The following FHIT variants were observed in gnomAD, a reference collection of about 807,000 sequenced individuals.
FHIT encodes bis(5'-adenosyl)-triphosphatase.
Under a neutral mutation model 17.9 loss-of-function variants are expected in FHIT, and 19 were observed. The observed-to-expected ratio is 1.06, with a 90% CI of 0.74 to 1.56. FHIT has a LOEUF of 1.56. FHIT is among the 40% of genes most tolerant of loss of function. The pLI is 0.00. For synonymous variants in FHIT, 81 were observed against 69.7 expected, an observed-to-expected ratio of 1.16 and a Z score of -0.81; for missense variants, 248 against 189.2, an observed-to-expected ratio of 1.31 and a Z score of -1.82.
intron 1 of FHIT, among the ~76,000 whole-genome samples, chr3:61,246,487 G>A (rs370597886): frequency 5.3e-5 from 8 of 152,192 alleles, no homozygotes; most frequent in African/African-American, 1.9e-4. Flanking sequence ...CCCCATTTAA[G>A]GCCATTAAAC....
chr3:60,259,335 G>T (rs545330831), intron 5 of FHIT, among the ~76,000 whole-genome samples: 157 of 152,210 alleles, frequency 1.0e-3, no homozygotes, highest in African/African-American at 3.8e-3. Context: ...GCTGGGTACT[G>T]GCTATACAAT....
At chr3:60,761,725 C>G (rs1699665456) in intron 4 of FHIT, among the ~76,000 whole-genome samples, 1 of 151,336 alleles carries the variant, frequency 6.6e-6, no homozygotes, top group South Asian at 2.1e-4. Context: ...GTGAGACAGA[C>G]TGCTTCAGGC....
At chr3:59,827,370 A>G (rs1701013399) in intron 8 of FHIT, among the ~76,000 whole-genome samples, 1 of 152,256 alleles carries the variant, frequency 6.6e-6, no homozygotes, top group African/African-American at 2.4e-5. Context: ...AGACATTTCT[A>G]TGACAGAACA....
chr3:60,139,232 G>T (rs1307654029), intron 5 of FHIT, among the ~76,000 whole-genome samples: 13 of 152,130 alleles, frequency 8.5e-5, no homozygotes, highest in Admixed American at 8.5e-4. Flanking sequence ...GGCTAGCAAG[G>T]TTCCTGAGAG....
chr3:60,135,058 G>C (rs1049147337), intron 5 of FHIT, among the ~76,000 whole-genome samples: 5 of 152,058 alleles, frequency 3.3e-5, no homozygotes, highest in African/African-American at 1.2e-4. Context: ...TGAGAATGGA[G>C]GAGGAATCTC....
chr3:61,245,099 G>C (rs1202890020), intron 1 of FHIT, among the ~76,000 whole-genome samples: 2 of 152,154 alleles, frequency 1.3e-5, no homozygotes, highest in South Asian at 4.1e-4. Context: ...GGTTATCTAA[G>C]TCCTCTTAGT....
At chr3:60,326,659 T>C (rs1378063421) in intron 5 of FHIT, among the ~76,000 whole-genome samples, 1 of 151,978 alleles carries the variant, frequency 6.6e-6, no homozygotes, top group Non-Finnish European at 1.5e-5. Flanking sequence ...TTTCCCAGAG[T>C]GAATGGTAAT....
chr3:60,906,939 T>C (rs868936928), intron 3 of FHIT, among the ~76,000 whole-genome samples: 5 of 152,114 alleles, frequency 3.3e-5, no homozygotes, highest in Non-Finnish European at 4.4e-5. Context: ...CATCCTACTA[T>C]GGAAACAGAG....
chr3:60,456,605 CT>C (rs1164107476), intron 5 of FHIT, among the ~76,000 whole-genome samples: 2 of 152,164 alleles, frequency 1.3e-5, no homozygotes, highest in Non-Finnish European at 2.9e-5. Flanking sequence ...CTTTTAACCC[CT>C]AATGGGCTTG....
chr3:59,969,690 A>G (rs995440373), intron 7 of FHIT, among the ~76,000 whole-genome samples: 1 of 152,094 alleles, frequency 6.6e-6, no homozygotes, highest in African/African-American at 2.4e-5. Context: ...TCACCTAAGG[A>G]TATTTCCCTC....
intron 4 of FHIT, among the ~76,000 whole-genome samples, chr3:60,575,516 G>T: frequency 6.6e-6 from 1 of 152,080 alleles, no homozygotes; most frequent in African/African-American, 2.4e-5. Context: ...TTACACAATA[G>T]CAGAGGAAAC....
At chr3:60,824,664 G>A (rs531953939) in intron 3 of FHIT, among the ~76,000 whole-genome samples, 3 of 152,266 alleles carry the variant, frequency 2.0e-5, no homozygotes, top group East Asian at 3.9e-4. Flanking sequence ...TGTGTCATGG[G>A]AGGAACCTGG....
At position 59,748,564 on chromosome 3, in the gene FHIT, G is replaced by A. The variant is rs568016953; in HGVS notation, c.*1021C>T. Among the ~76,000 whole-genome samples the A allele has an allele frequency of 3.1e-3, 473 of 150,210 alleles. 2 individuals are homozygous for A. The highest frequency in any genetic ancestry group is 5.1e-3 in the Admixed American group (77 of 15,138). ...CAGGTAAGGAAGAAGTCCAGCAGGCGAGGAGGTGGGAGGTCCTCAAGGCAG... is the reference window on the plus strand; with the variant it reads ...CAGGTAAGGAAGAAGTCCAGCAGGCAAGGAGGTGGGAGGTCCTCAAGGCAG... On this transcript the variant is annotated 3_prime_UTR_variant, in exon 10 of 10. Transcript: ENST00000492590.
chr3:60,142,064 G>C (rs557271868), intron 5 of FHIT, among the ~76,000 whole-genome samples: 1 of 152,156 alleles, frequency 6.6e-6, no homozygotes, highest in Non-Finnish European at 1.5e-5. Flanking sequence ...AAGGACACAA[G>C]AAAAGAGAAA....
intron 5 of FHIT, among the ~76,000 whole-genome samples, chr3:60,271,617 C>T (rs1008554070): frequency 2.0e-5 from 3 of 152,112 alleles, no homozygotes; most frequent in Non-Finnish European, 4.4e-5. Context: ...ATCAAGTGCA[C>T]GGAAAGTATA....
intron 3 of FHIT, among the ~76,000 whole-genome samples, chr3:60,977,173 T>C (rs2107543905): frequency 6.6e-6 from 1 of 152,042 alleles, no homozygotes; most frequent in Middle Eastern, 3.4e-3. Context: ...ACACACGGGG[T>C]AAAAAATGAG....
Position 60,443,023 on chromosome 3 carries a change from C to T in FHIT, c.103+93837G>A, listed in dbSNP as rs1023264304. 3.7e-3 allele frequency among the ~76,000 whole-genome samples: 565 copies of T among 152,162 alleles called. 4 individuals carry two copies. The highest frequency in any genetic ancestry group is 4.3e-3 in the Non-Finnish European group (293 of 68,018). ...AAGTTGGATTCCTAGGTATTTTATT[C>T]TCTTTGAAGCAATTGTGAATGGGAG... On this transcript the variant is annotated intron_variant, in intron 5 of 9. Transcript: ENST00000492590.
In FHIT at chr3:60,275,230, G is replaced by GAA. The variant is rs67928408; in HGVS notation, c.104-261080_104-261079dup. Among the ~76,000 whole-genome samples the GAA allele has an allele frequency of 1.1e-3, 148 of 131,102 alleles. No homozygotes were observed. The South Asian group carries it at 0.022, about 19-fold the overall frequency. The allele number at this position is 131,102 out of a possible 152,430, so 86.0% of individuals were successfully genotyped here. A position where few individuals can be genotyped will look rare whatever the true frequency, so the allele number is the denominator to read the frequency against. On this transcript the variant is annotated intron_variant, in intron 5 of 9. Transcript: ENST00000492590. Reference sequence around the variant, plus strand: ...TCTGGGAAATATTTCTGGAAGAAAAGAAAAAAAAAAAAAAACTATGAATCA... The same window carrying GAA: ...TCTGGGAAATATTTCTGGAAGAAAAGAAAAAAAAAAAAAAAAACTATGAATCA...
chr3:60,961,983 G>C (rs1358012477), intron 3 of FHIT, among the ~76,000 whole-genome samples: 1 of 152,226 alleles, frequency 6.6e-6, no homozygotes, highest in African/African-American at 2.4e-5. Context: ...TTGGTAGCTT[G>C]ATGGGGATGG....
Sources: allele counts gnomAD v4.1 joint callset (sites outside exome capture counted in the v4.1 genomes callset), GRCh38; gene constraint gnomAD v4.1.1; transcripts MANE v1.5; gene names NCBI Gene and HGNC (gene_info 2026-07-23, HGNC 2026-07-21).